Variants in LRCH1 observed in about 807,000 individuals in gnomAD.
LRCH1 encodes leucine rich repeats and calponin homology domain containing 1.
Under a neutral mutation model 94.9 loss-of-function variants are expected in LRCH1, and 23 were observed. That is an observed-to-expected ratio of 0.24 (90% CI 0.17 to 0.34). The LOEUF (loss-of-function observed/expected upper bound fraction) is 0.34, where lower values mean the gene tolerates loss of function less well. LRCH1 is among the 10% of genes least tolerant of loss of function. The probability of loss-of-function intolerance (pLI) is 1.00; values close to 1 mark genes in which losing one functional copy is unlikely to be tolerated. For synonymous variants in LRCH1, 364 were observed against 354.9 expected, an observed-to-expected ratio of 1.03 and a Z score of -0.29; for missense variants, 790 against 945.9, an observed-to-expected ratio of 0.84 and a Z score of 2.16.
intron 1 of LRCH1, among the ~76,000 whole-genome samples, chr13:46,633,508 G>A (rs1441203718): frequency 7.9e-5 from 12 of 152,146 alleles, no homozygotes; most frequent in Non-Finnish European, 1.8e-4. Flanking sequence ...CTACATTTTG[G>A]TTTAGGACTT....
chr13:46,637,712 GT>G (rs5803363), intron 1 of LRCH1, among the ~76,000 whole-genome samples: 183 of 150,430 alleles, frequency 1.2e-3, no homozygotes, highest in African/African-American at 4.0e-3. Context: ...GCACTTCGTA[GT>G]TTTTTTTTTC....
At chr13:46,553,825 C>A in intron 1 of LRCH1, 122 bp downstream of exon 1, 1 of 1,515,280 alleles carries the variant, frequency 6.6e-7, no homozygotes, top group Non-Finnish European at 8.9e-7. Flanking sequence ...TCCATCGGCC[C>A]GTTGTCTCCC....
intron 1 of LRCH1, among the ~76,000 whole-genome samples, chr13:46,615,303 C>T (rs530384494): frequency 1.3e-5 from 2 of 152,206 alleles, no homozygotes; most frequent in Admixed American, 6.5e-5. Flanking sequence ...AGACACACGG[C>T]GAAAGAGGGA....
At chr13:46,564,870 A>G (rs1229460254) in intron 1 of LRCH1, among the ~76,000 whole-genome samples, 1 of 152,206 alleles carries the variant, frequency 6.6e-6, no homozygotes, top group East Asian at 1.9e-4. Flanking sequence ...TCTGGCAAAC[A>G]GTGAGTGACT....
chr13:46,645,699 A>C (rs1298291769), intron 1 of LRCH1, among the ~76,000 whole-genome samples: 1 of 152,162 alleles, frequency 6.6e-6, no homozygotes, highest in Non-Finnish European at 1.5e-5. Flanking sequence ...CTCTCAGGTT[A>C]GAGTGGTTTC....
downstream of LRCH1, among the ~76,000 whole-genome samples, chr13:46,749,294 C>A (rs1363783765): frequency 6.6e-6 from 1 of 152,154 alleles, no homozygotes; most frequent in African/African-American, 2.4e-5. Flanking sequence ...CACTGACAGA[C>A]AAATACTGCG....
chr13:46,619,120 T>TA (rs2050850090), intron 1 of LRCH1, among the ~76,000 whole-genome samples: 2 of 78,652 alleles, frequency 2.5e-5, no homozygotes, highest in Non-Finnish European at 4.8e-5. Context: ...TCCTTTTTTT[T>TA]GGTTTTTGAG....
chr13:46,752,802 A>G (rs1593396500), exon 19 of LRCH1: 1 of 151,970 alleles, frequency 6.6e-6, no homozygotes. Context: ...ATTAATTTTT[A>G]TTATTTTCTT....
intron 1 of LRCH1, among the ~76,000 whole-genome samples, chr13:46,576,415 G>A (rs2050305358): frequency 6.6e-6 from 1 of 152,216 alleles, no homozygotes; most frequent in Admixed American, 6.5e-5. Flanking sequence ...GGAGTCCTGA[G>A]TGAAGTTGTC....
Position 46,699,420 on chromosome 13 carries a change from T to C in LRCH1, c.1313+17T>C. The C allele has an allele frequency of 6.2e-7, 1 of 1,611,846 alleles. No individual in the cohort carries two copies. Among genetic ancestry groups the C allele is most frequent in the African/African-American group, 1.3e-5 (1 of 74,964 alleles). On this transcript the variant is annotated intron_variant, in intron 10 of 19. Transcript: ENST00000389797. ...TGAGGGCATGTGAGTGCCGAGGCCT[T>C]GGTTACAAGCCATCATCACTCAAAT...
chr13:46,585,370 G>A (rs1049965511), intron 1 of LRCH1, among the ~76,000 whole-genome samples: 2 of 152,152 alleles, frequency 1.3e-5, no homozygotes, highest in Admixed American at 6.5e-5. Flanking sequence ...GAGGTCAGGA[G>A]ATCAAGACCA....
rs575874794 is a variant in LRCH1 at position 46,558,572 on chromosome 13, C to CAAAAAAAAAAAAAAAAAAAAAAA, written c.307+4873_307+4895dup. ...CCAAGACGGTGAAACCCTGTGTCTACAAAAAAAAAAAAAAAAAAAAAAAAA... is the reference window on the plus strand; with the variant it reads ...CCAAGACGGTGAAACCCTGTGTCTACAAAAAAAAAAAAAAAAAAAAAAAAAAAAAAAAAAAAAAAAAAAAAAAA... On this transcript the variant is annotated intron_variant, in intron 1 of 19. Transcript: ENST00000389797. Among the ~76,000 whole-genome samples, 173 of 34,392 alleles carry CAAAAAAAAAAAAAAAAAAAAAAA rather than the reference C, an allele frequency of 5.0e-3. 29 individuals are homozygous for CAAAAAAAAAAAAAAAAAAAAAAA. Among genetic ancestry groups the CAAAAAAAAAAAAAAAAAAAAAAA allele is most frequent in the Non-Finnish European group, 8.8e-3 (149 of 17,004 alleles). 22.6% of individuals were successfully genotyped at this position (34,392 alleles called of 152,430 possible).
chr13:46,682,989 A>C (rs1870422675), intron 4 of LRCH1, among the ~76,000 whole-genome samples: 2 of 152,220 alleles, frequency 1.3e-5, no homozygotes, highest in African/African-American at 4.8e-5. Context: ...TGGAACCCTG[A>C]ATGCTTTCTC....
At chr13:46,583,504 A>G (rs1384992603) in intron 1 of LRCH1, among the ~76,000 whole-genome samples, 1 of 152,186 alleles carries the variant, frequency 6.6e-6, no homozygotes, top group African/African-American at 2.4e-5. Flanking sequence ...CTCAGAAGCC[A>G]CTCTGTGAAC....
chr13:46,736,018 A>T (rs1016608668), intron 19 of LRCH1, among the ~76,000 whole-genome samples: 41 of 151,900 alleles, frequency 2.7e-4, no homozygotes, highest in African/African-American at 9.4e-4. Flanking sequence ...GCTGGTCGCG[A>T]ACTCCTGACC....
intron 2 of LRCH1, among the ~76,000 whole-genome samples, chr13:46,653,630 G>T (rs2051334394): frequency 6.6e-6 from 1 of 151,942 alleles, no homozygotes. Context: ...TTCGTGACCA[G>T]CCTGGGCAAC....
At chr13:46,599,350 G>T (rs1049673134) in intron 1 of LRCH1, among the ~76,000 whole-genome samples, 2 of 151,714 alleles carry the variant, frequency 1.3e-5, no homozygotes, top group African/African-American at 2.4e-5. Flanking sequence ...ATTTTTTTTT[G>T]TTGTTGTATA....
intron 2 of LRCH1, among the ~76,000 whole-genome samples, chr13:46,658,126 G>A (rs1353532539): frequency 6.6e-6 from 1 of 152,102 alleles, no homozygotes; most frequent in Non-Finnish European, 1.5e-5. Context: ...AACAACATCA[G>A]TATTTACACA....
intron 18 of LRCH1, among the ~76,000 whole-genome samples, chr13:46,731,299 A>G (rs1873095551): frequency 6.6e-6 from 1 of 152,194 alleles, no homozygotes; most frequent in African/African-American, 2.4e-5. Context: ...GTGCAGTGGC[A>G]CGATCTTGGC....
Sources: gnomAD v4.1 joint callset for allele counts (sites outside exome capture counted in the v4.1 genomes callset) on GRCh38, gnomAD v4.1.1 for gene constraint, MANE v1.5 for transcripts, NCBI Gene and HGNC (gene_info 2026-07-23, HGNC 2026-07-21) for gene names.